Variants in KIAA0319L observed in about 807,000 individuals in gnomAD.
KIAA0319L encodes KIAA0319 like, also known as dyslexia-associated protein KIAA0319-like protein.
Under a neutral mutation model 120.1 loss-of-function variants are expected in KIAA0319L, and 55 were observed. The observed-to-expected ratio is 0.46, with a 90% confidence interval of 0.37 to 0.57. KIAA0319L has a LOEUF of 0.57. Ranked by LOEUF, KIAA0319L falls within the 20% of genes least tolerant of loss-of-function variation. The pLI is 0.00. For missense variants in KIAA0319L, 1,049 were observed against 1,255.3 expected, an observed-to-expected ratio of 0.84 and a Z score of 2.48; for synonymous variants, 398 against 471.9, an observed-to-expected ratio of 0.84 and a Z score of 2.03.
chr1:35,525,013 T>A (rs1377270200), intron 2 of KIAA0319L, among the ~76,000 whole-genome samples: 4 of 152,264 alleles, frequency 2.6e-5, no homozygotes, highest in African/African-American at 7.2e-5. Flanking sequence ...TACAACTACA[T>A]CCTTCCCAGC....
At chr1:35,518,035 T>C (rs1273265588) in intron 2 of KIAA0319L, among the ~76,000 whole-genome samples, 2 of 152,106 alleles carry the variant, frequency 1.3e-5, no homozygotes, top group Non-Finnish European at 2.9e-5. Context: ...CTCATACCAG[T>C]CAGAATGGCT....
At chr1:35,535,095 T>TC (rs1646523353) in intron 2 of KIAA0319L, among the ~76,000 whole-genome samples, 1 of 93,472 alleles carries the variant, frequency 1.1e-5, no homozygotes, top group African/African-American at 4.9e-5. Flanking sequence ...AGACTCCGTC[T>TC]TAAAAAAAAA....
intron 6 of KIAA0319L, among the ~76,000 whole-genome samples, chr1:35,468,704 A>G (rs911989302): frequency 2.6e-5 from 4 of 152,100 alleles, no homozygotes; most frequent in African/African-American, 9.7e-5. Context: ...TCAATCATCA[A>G]ATTTTATCAA....
At chr1:35,479,292 T>C in intron 3 of KIAA0319L, 80 bp from the exon 4 acceptor site, 2 of 1,175,792 alleles carry the variant, frequency 1.7e-6, no homozygotes, top group Non-Finnish European at 1.2e-6. Context: ...CAATAGTCTA[T>C]TAAATGTTCT....
At chr1:35,508,807 C>T (rs1362069763) in intron 2 of KIAA0319L, among the ~76,000 whole-genome samples, 2 of 152,052 alleles carry the variant, frequency 1.3e-5, no homozygotes, top group Admixed American at 6.6e-5. Context: ...CTTCATTCTT[C>T]TCATAACTAT....
intron 3 of KIAA0319L, among the ~76,000 whole-genome samples, chr1:35,488,830 G>A (rs1202372494): frequency 6.6e-6 from 1 of 152,206 alleles, no homozygotes; most frequent in African/African-American, 2.4e-5. Flanking sequence ...CAACTGTGAA[G>A]TCACTGGTGA....
chr1:35,450,244 C>T, intron 14 of KIAA0319L, 114 bp downstream of exon 14: 1 of 1,217,528 alleles, frequency 8.2e-7, no homozygotes. Flanking sequence ...CCCTGGATTT[C>T]AGAGAACAAT....
intron 20 of KIAA0319L, chr1:35,440,352 A>G (rs1310199684): frequency 1.3e-5 from 2 of 152,274 alleles, no homozygotes; most frequent in Non-Finnish European, 2.9e-5. Flanking sequence ...AATGCTTTAT[A>G]TAAAAATAGT....
At position 35,462,672 on chromosome 1, in the gene KIAA0319L, G is replaced by T; in HGVS notation, c.1243C>A (p.Gln415Lys). 1 of 1,614,170 alleles carries T rather than the reference G, an allele frequency of 6.2e-7. No homozygotes were observed. Among genetic ancestry groups the T allele is most frequent in the Non-Finnish European group, 8.5e-7 (1 of 1,179,982 alleles). Residue 415 changes from glutamine (Q) to lysine (K), a missense_variant, in exon 8 of 21, where the codon CAG becomes AAG. Coordinates refer to ENST00000325722, the MANE Select transcript of KIAA0319L (RefSeq NM_024874.5). ...GTTGGCAAAGAGATCTCCTGGAACT[G>T]AGGTGACACAATAGCAATGGGGGGC... The part of the protein sequence containing the change: ...NRPPIAIVSP[Q>K]FQEISLPTTS...
rs1490341354 is a variant in KIAA0319L, at chr1:35,434,137, T to C, written c.*757A>G. 1 of 146,760 alleles carries C rather than the reference T, an allele frequency of 6.8e-6. No homozygotes were observed. Among genetic ancestry groups the C allele is most frequent in the African/African-American group, 2.6e-5 (1 of 39,096 alleles). 9.1% of individuals were successfully genotyped at this position (146,760 alleles called of 1,614,324 possible). A position where few individuals can be genotyped will look rare whatever the true frequency, so the allele number is the denominator to read the frequency against. ...TCTTGCTCTGTCACTCAGGCTGGAG[T>C]GCAGTGGCACGATCTTGGCTCACTG... On this transcript the variant is annotated 3_prime_UTR_variant, in exon 21 of 21. Coordinates refer to ENST00000325722, the MANE Select transcript of KIAA0319L (RefSeq NM_024874.5).
rs559808848 is a variant in KIAA0319L at position 35,531,270 on chromosome 1, G to A, written c.142+23080C>T. On this transcript the variant is annotated intron_variant, in intron 2 of 20. Transcript: ENST00000325722. Reference sequence around the variant, plus strand: ...CACTTTGGCACCCTTTGTCCTGGGAGCAGCCTCCCTGATACACTACACTGC... The same window carrying A: ...CACTTTGGCACCCTTTGTCCTGGGAACAGCCTCCCTGATACACTACACTGC... Among the ~76,000 whole-genome samples, 7 of 152,348 alleles carry A rather than the reference G, an allele frequency of 4.6e-5. No homozygotes were observed. In the South Asian group the frequency reaches 1.4e-3, roughly 32 times the overall value.
intron 16 of KIAA0319L, among the ~76,000 whole-genome samples, chr1:35,445,757 T>C (rs879524897): frequency 5.3e-5 from 8 of 152,236 alleles, no homozygotes; most frequent in African/African-American, 1.9e-4. Context: ...TCTTTCCTAC[T>C]GTAAAATACT....
chr1:35,457,362 C>T (rs1054932020), intron 9 of KIAA0319L, among the ~76,000 whole-genome samples: 1 of 152,042 alleles, frequency 6.6e-6, no homozygotes, highest in Non-Finnish European at 1.5e-5. Flanking sequence ...CACATCACAA[C>T]GATGGACATC....
intron 3 of KIAA0319L, among the ~76,000 whole-genome samples, chr1:35,486,542 C>G (rs957191833): frequency 6.6e-6 from 1 of 151,734 alleles, no homozygotes; most frequent in African/African-American, 2.4e-5. Context: ...TTTGTAAGCC[C>G]TCTTGTTTCT....
chr1:35,458,598 C>G (rs978727939), intron 9 of KIAA0319L, among the ~76,000 whole-genome samples: 1 of 152,144 alleles, frequency 6.6e-6, no homozygotes, highest in East Asian at 1.9e-4. Flanking sequence ...TAGAGTTAGA[C>G]TGTGTGACCT....
chr1:35,441,213 T>A (rs1334134095), intron 19 of KIAA0319L, 75 bp from the exon 20 acceptor site: 1 of 1,319,898 alleles, frequency 7.6e-7, no homozygotes, highest in Non-Finnish European at 1.1e-6. Context: ...CAGATGTGCA[T>A]GCAGGGCCCT....
rs1640881934 is a variant in KIAA0319L at position 35,437,452 on chromosome 1, C to A, written c.2963-2371G>T. ...CTGAGGAAGAGGAGGCCCTTGCCCT[C>A]TGCCTGCCATCCTGCTTCTCTAGCT... On this transcript the variant is annotated intron_variant, in intron 20 of 20. Transcript: ENST00000325722. The surrounding 1 kb of genome is among the most constrained non-coding windows in gnomAD (Gnocchi z 4.1). 6.6e-6 allele frequency among the ~76,000 whole-genome samples: 1 copy of A among 152,224 alleles called. No individual in the cohort carries two copies. Among genetic ancestry groups the A allele is most frequent in the South Asian group, 2.1e-4 (1 of 4,834 alleles).
At chr1:35,527,631 G>A (rs1455025086) in intron 2 of KIAA0319L, among the ~76,000 whole-genome samples, 2 of 152,074 alleles carry the variant, frequency 1.3e-5, no homozygotes, top group Non-Finnish European at 2.9e-5. Context: ...AATCTTGGTA[G>A]GTTTTATGTG....
Position 35,506,342 on chromosome 1 carries a change from C to T in KIAA0319L, c.666+270G>A, listed in dbSNP as rs1296207119. On this transcript the variant is annotated intron_variant, in intron 3 of 20. Coordinates refer to ENST00000325722, the MANE Select transcript of KIAA0319L (RefSeq NM_024874.5). This position sits in a 1 kb window ranked among gnomAD's most constrained non-coding sequence, Gnocchi z 4.0. ...ACTAACAGCCATACAACTGTACTTA[C>T]CTGTAGCCAAGAACCAGCTTAGACT... 6.6e-6 allele frequency among the ~76,000 whole-genome samples: 1 copy of T among 152,182 alleles called. No homozygotes were observed. The highest frequency in any genetic ancestry group is 1.5e-5 in the Non-Finnish European group (1 of 68,034).
Sources: allele counts gnomAD v4.1 joint callset (sites outside exome capture counted in the v4.1 genomes callset), GRCh38; gene constraint gnomAD v4.1.1; non-coding constraint Gnocchi (gnomAD v3.1); transcripts MANE v1.5; gene names NCBI Gene and HGNC (gene_info 2026-07-23, HGNC 2026-07-21).